Variants in HDAC9 observed in about 807,000 individuals in gnomAD.
HDAC9 encodes the protein histone deacetylase 9, also known as MEF-2 interacting transcription repressor (MITR) protein.
In HDAC9, 41 loss-of-function variants were observed where a neutral mutation model predicts 139.4. The ratio of observed to expected loss-of-function variants is 0.29; its 90% confidence interval spans 0.23 to 0.38. HDAC9 has a LOEUF of 0.38. Among genes scored for constraint, HDAC9 ranks in the 10% least tolerant of loss-of-function variants. The pLI is 1.00. For missense variants in HDAC9, 1,147 were observed against 1,297.0 expected, an observed-to-expected ratio of 0.88 and a Z score of 1.78; for synonymous variants, 517 against 476.2, an observed-to-expected ratio of 1.09 and a Z score of -1.12.
At chr7:18,542,480 T>G (rs911369911) in intron 2 of HDAC9, among the ~76,000 whole-genome samples, 4 of 152,228 alleles carry the variant, frequency 2.6e-5, no homozygotes, top group African/African-American at 9.6e-5. Flanking sequence ...ATTAATACTA[T>G]TAAATGTTAG....
At chr7:18,485,094 A>G (rs1795877383) in intron 1 of HDAC9, among the ~76,000 whole-genome samples, 1 of 152,174 alleles carries the variant, frequency 6.6e-6, no homozygotes, top group Non-Finnish European at 1.5e-5. Flanking sequence ...TGTCCCTGCC[A>G]TCTGGAGAGA....
chr7:18,165,663 G>A (rs999529760), intron 2 of HDAC9, among the ~76,000 whole-genome samples: 2 of 151,964 alleles, frequency 1.3e-5, no homozygotes, highest in African/African-American at 4.8e-5. Context: ...GGTGGTGCAT[G>A]CCTGTAGTCC....
chr7:18,930,466 AACAC>A lies in HDAC9; in HGVS notation c.2804-5330_2804-5327del, dbSNP rs147873074. Among the ~76,000 whole-genome samples the A allele has an allele frequency of 8.9e-3, 1,343 of 151,096 alleles. 102 individuals carry two copies. In the East Asian group the frequency reaches 0.19, roughly 21 times the overall value. ...CTAATCTAACACACACATACACACA[AACAC>A]ACACACACACACGTACACATGCCAC... On this transcript the variant is annotated intron_variant, in intron 22 of 25. Transcript: ENST00000686413.
chr7:18,666,824 T>G (rs1795007997), intron 12 of HDAC9: 1 of 1,075,138 alleles, frequency 9.3e-7, no homozygotes, highest in Non-Finnish European at 1.1e-6. Context: ...ACAAATTCAC[T>G]GTTATTTTGA....
chr7:18,715,368 C>T (rs1418148407), intron 12 of HDAC9, among the ~76,000 whole-genome samples: 1 of 151,834 alleles, frequency 6.6e-6, no homozygotes, highest in East Asian at 1.9e-4. Flanking sequence ...CATAAACTGT[C>T]AGTAATTGGC....
In HDAC9 at chr7:18,456,132, T is replaced by A. The variant is rs111957853; in HGVS notation, c.-41-40130T>A. On this transcript the variant is annotated intron_variant, in intron 1 of 3. Coordinates refer to the HDAC9 transcript ENST00000413509. ...TTGCTGATCGTATTAGGTAAAATAA[T>A]TACAGCTGAGCTAGAACAAATTTTG... Among the ~76,000 whole-genome samples, 1,182 of 152,306 alleles carry A rather than the reference T, an allele frequency of 7.8e-3. 15 individuals carry two copies. The highest frequency in any genetic ancestry group is 0.027 in the African/African-American group (1,119 of 41,560).
intron 3 of HDAC9, among the ~76,000 whole-genome samples, chr7:18,586,157 TTTAAA>T (rs1159514991): frequency 6.7e-4 from 102 of 152,256 alleles, no homozygotes; most frequent in African/African-American, 2.3e-3. Flanking sequence ...ACTAAAGTTG[TTTAAA>T]TTATTTTAGC....
chr7:18,958,664 T>A (rs1367017448), intron 24 of HDAC9, among the ~76,000 whole-genome samples: 3 of 152,180 alleles, frequency 2.0e-5, no homozygotes, highest in Non-Finnish European at 4.4e-5. Flanking sequence ...TATTAGGTGC[T>A]CTGCAAATGT....
intron 1 of HDAC9, among the ~76,000 whole-genome samples, chr7:18,363,852 G>C (rs571174072): frequency 6.6e-6 from 1 of 152,146 alleles, no homozygotes; most frequent in African/African-American, 2.4e-5. Context: ...CCAATGACTT[G>C]CATTGAAAGG....
At chr7:18,629,511 G>T in intron 7 of HDAC9, 30 bp downstream of exon 7, 1 of 1,591,136 alleles carries the variant, frequency 6.3e-7, no homozygotes, top group Non-Finnish European at 8.6e-7. Flanking sequence ...ACCTATGAAT[G>T]CTGGGAGTAG....
At chr7:18,627,365 G>A (rs1275917450) in intron 6 of HDAC9, among the ~76,000 whole-genome samples, 1 of 152,136 alleles carries the variant, frequency 6.6e-6, no homozygotes, top group Non-Finnish European at 1.5e-5. Flanking sequence ...ATGGTTATTA[G>A]CAAGGCTACA....
At chr7:18,728,159 T>A (rs185843865) in intron 13 of HDAC9, among the ~76,000 whole-genome samples, 1 of 152,158 alleles carries the variant, frequency 6.6e-6, no homozygotes, top group East Asian at 1.9e-4. Context: ...TTTTTGTTTG[T>A]TTGTTTTATT....
chr7:18,860,058 T>C (rs1253935490), intron 21 of HDAC9, among the ~76,000 whole-genome samples: 1 of 151,708 alleles, frequency 6.6e-6, no homozygotes. Context: ...ATATGTGTAC[T>C]AAGCTACACA....
chr7:18,118,970 G>A (rs1006483568), intron 1 of HDAC9, among the ~76,000 whole-genome samples: 5 of 152,182 alleles, frequency 3.3e-5, no homozygotes, highest in African/African-American at 9.7e-5. Flanking sequence ...TCAGCATGGG[G>A]ATATCAGAGT....
chr7:18,359,404 A>G (rs957540059), intron 1 of HDAC9, among the ~76,000 whole-genome samples: 1 of 152,174 alleles, frequency 6.6e-6, no homozygotes, highest in African/African-American at 2.4e-5. Context: ...CAAGGAGGGA[A>G]GGATATTTGC....
Position 18,864,908 on chromosome 7 carries a change from G to A in HDAC9, c.2685-9570G>A, listed in dbSNP as rs76325434. Among the ~76,000 whole-genome samples, 1,230 of 152,228 alleles carry A rather than the reference G, an allele frequency of 8.1e-3. 20 individuals are homozygous for A. Among genetic ancestry groups the A allele is most frequent in the African/African-American group, 0.028 (1,172 of 41,520 alleles). On this transcript the variant is annotated intron_variant, in intron 21 of 25. Coordinates refer to ENST00000686413, the MANE Select transcript of HDAC9 (RefSeq NM_178425.4). ...TTAAATACTTAAAATGGTTAAAGTAGTACATTTTATTTAATGTACATTTTA... is the reference window on the plus strand; with the variant it reads ...TTAAATACTTAAAATGGTTAAAGTAATACATTTTATTTAATGTACATTTTA...
At chr7:18,595,051 G>A (rs191509487) in intron 6 of HDAC9, among the ~76,000 whole-genome samples, 12 of 152,044 alleles carry the variant, frequency 7.9e-5, no homozygotes, top group Admixed American at 5.9e-4. Context: ...AACACATGCC[G>A]AAGCTATTTT....
At chr7:18,792,676 G>A (rs947748829) in intron 16 of HDAC9, among the ~76,000 whole-genome samples, 1 of 152,140 alleles carries the variant, frequency 6.6e-6, no homozygotes, top group Non-Finnish European at 1.5e-5. Flanking sequence ...AGTTTGAACT[G>A]AAACAATCTG....
At chr7:18,670,987 G>A (rs73069022) in intron 12 of HDAC9, among the ~76,000 whole-genome samples, 4 of 151,340 alleles carry the variant, frequency 2.6e-5, no homozygotes, top group Admixed American at 2.0e-4. Context: ...GACCATAGCC[G>A]GTCCTAGGAG....
Sources: gnomAD v4.1 joint callset for allele counts (sites outside exome capture counted in the v4.1 genomes callset) on GRCh38, gnomAD v4.1.1 for gene constraint, MANE v1.5 for transcripts, NCBI Gene and HGNC (gene_info 2026-07-23, HGNC 2026-07-21) for gene names.